Variants in ANKS1B observed in about 807,000 individuals in gnomAD.
ANKS1B encodes ankyrin repeat and sterile alpha motif domain containing 1B.
In ANKS1B, 36 loss-of-function variants were observed where a neutral mutation model predicts 148.3. The ratio of observed to expected loss-of-function variants is 0.24; its 90% CI spans 0.19 to 0.32. ANKS1B has a LOEUF of 0.32. ANKS1B is among the 10% of genes least tolerant of loss of function. ANKS1B has a pLI of 1.00. For synonymous variants in ANKS1B, 542 were observed against 560.8 expected, an observed-to-expected ratio of 0.97 and a Z score of 0.47; for missense variants, 1,157 against 1,542.6, an observed-to-expected ratio of 0.75 and a Z score of 4.19.
At chr12:99,831,048 A>G (rs2083911831) in intron 1 of ANKS1B, among the ~76,000 whole-genome samples, 1 of 152,100 alleles carries the variant, frequency 6.6e-6, no homozygotes. Context: ...CTGGCATTAT[A>G]TTATTTATTT....
chr12:99,332,097 T>A (rs2087674895), intron 12 of ANKS1B, among the ~76,000 whole-genome samples: 1 of 151,956 alleles, frequency 6.6e-6, no homozygotes, highest in Non-Finnish European at 1.5e-5. Flanking sequence ...TCATGAGAAA[T>A]CCTTTCCCTC....
At chr12:99,117,389 T>C (rs1465638958) in intron 15 of ANKS1B, among the ~76,000 whole-genome samples, 3 of 152,174 alleles carry the variant, frequency 2.0e-5, no homozygotes, top group Non-Finnish European at 4.4e-5. Context: ...ACCTAGCTTA[T>C]TGAGTTTTTA....
intron 9 of ANKS1B, among the ~76,000 whole-genome samples, chr12:99,573,245 T>G (rs765637363): frequency 6.6e-5 from 10 of 152,114 alleles, no homozygotes; most frequent in Non-Finnish European, 1.3e-4. Context: ...TTGATTGAGT[T>G]GCTGCTGTTT....
intron 12 of ANKS1B, among the ~76,000 whole-genome samples, chr12:99,273,670 CA>C (rs200141570): frequency 0.017 from 2,636 of 150,978 alleles, 79 homozygotes; most frequent in African/African-American, 0.061. Context: ...TCCACCCCTC[CA>C]GGTTTAAGCA....
At chr12:99,704,476 A>C (rs1371744955) in intron 8 of ANKS1B, among the ~76,000 whole-genome samples, 7 of 152,142 alleles carry the variant, frequency 4.6e-5, no homozygotes, top group Non-Finnish European at 1.0e-4. Flanking sequence ...ATATATACAC[A>C]TATTAGACTA....
At chr12:99,511,726 T>A (rs962800056) in intron 9 of ANKS1B, among the ~76,000 whole-genome samples, 3 of 151,794 alleles carry the variant, frequency 2.0e-5, no homozygotes, top group African/African-American at 7.3e-5. Flanking sequence ...CATAGACCAA[T>A]GGAACAGAAT....
At chr12:99,177,871 A>T (rs1490258913) in intron 14 of ANKS1B, among the ~76,000 whole-genome samples, 2 of 152,194 alleles carry the variant, frequency 1.3e-5, no homozygotes, top group Non-Finnish European at 2.9e-5. Flanking sequence ...TACAAGTCTA[A>T]TGCTGTGTCT....
Position 99,063,265 on chromosome 12 carries a change from C to T in ANKS1B, c.2626-9956G>A, listed in dbSNP as rs564275950. On this transcript the variant is annotated intron_variant, in intron 16 of 26. Transcript: ENST00000683438. ...AGATAGCTGATATCGTCAGGTACTT[C>T]CCTCTATTCTGGCTCCTTGTTCTAG... Among the ~76,000 whole-genome samples, 4 of 152,278 alleles carry T rather than the reference C, an allele frequency of 2.6e-5. No homozygotes were observed. The South Asian group carries it at 8.3e-4, about 32-fold the overall frequency.
intron 12 of ANKS1B, among the ~76,000 whole-genome samples, chr12:99,301,057 G>A (rs1026174959): frequency 1.3e-5 from 2 of 152,160 alleles, no homozygotes; most frequent in Admixed American, 6.6e-5. Context: ...AGCCAATGGT[G>A]TAAGTCCGAG....
rs116384197 is a variant in ANKS1B at position 99,373,445 on chromosome 12, G to A, written c.1756+26186C>T. On this transcript the variant is annotated intron_variant, in intron 12 of 26. Transcript: ENST00000683438. ...AGAAACTATCCCTTCCCTATTAGAC[G>A]GGTAAGAGTCTCAGTTGCAATGGCC... is the stretch of plus-strand genomic sequence containing the variant. Among the ~76,000 whole-genome samples, 891 of 152,152 alleles carry A rather than the reference G, an allele frequency of 5.9e-3. 14 individuals are homozygous for A. Among genetic ancestry groups the A allele is most frequent in the African/African-American group, 0.02 (851 of 41,516 alleles).
chr12:99,670,565 G>A (rs564008531), intron 8 of ANKS1B, among the ~76,000 whole-genome samples: 2 of 152,110 alleles, frequency 1.3e-5, no homozygotes, highest in Admixed American at 6.6e-5. Context: ...TAGGATGAGG[G>A]AAGAAAAATA....
chr12:99,482,647 G>A (rs1363800303), intron 10 of ANKS1B, among the ~76,000 whole-genome samples: 1 of 150,664 alleles, frequency 6.6e-6, no homozygotes, highest in East Asian at 1.9e-4. Flanking sequence ...ATGAGCATGG[G>A]GTGAGTTTTC....
intron 1 of ANKS1B, among the ~76,000 whole-genome samples, chr12:99,914,619 G>T (rs1353470263): frequency 6.6e-6 from 1 of 152,084 alleles, no homozygotes; most frequent in African/African-American, 2.4e-5. Flanking sequence ...TTTGATGAAG[G>T]AGCTTAGCTA....
At chr12:99,221,436 T>C (rs1164380621) in intron 14 of ANKS1B, among the ~76,000 whole-genome samples, 1 of 152,220 alleles carries the variant, frequency 6.6e-6, no homozygotes, top group Non-Finnish European at 1.5e-5. Flanking sequence ...TTACAACTTG[T>C]ATCCATTCAT....
chr12:99,742,402 A>G (rs2060204399), intron 8 of ANKS1B, among the ~76,000 whole-genome samples: 1 of 152,198 alleles, frequency 6.6e-6, no homozygotes, highest in African/African-American at 2.4e-5. Context: ...AATTTTTTAA[A>G]AAATCTAGAT....
chr12:99,743,238 G>C (rs1378237568), intron 8 of ANKS1B, among the ~76,000 whole-genome samples: 3 of 152,104 alleles, frequency 2.0e-5, no homozygotes, highest in Non-Finnish European at 2.9e-5. Context: ...TTTGTCTCAA[G>C]CACGACAAAA....
chr12:99,828,018 T>C (rs1171275167), intron 1 of ANKS1B, among the ~76,000 whole-genome samples: 2 of 152,132 alleles, frequency 1.3e-5, no homozygotes, highest in African/African-American at 2.4e-5. Flanking sequence ...CTATAGGTAA[T>C]AGCCTAAAAC....
chr12:99,340,687 A>C (rs1374160172), intron 12 of ANKS1B, among the ~76,000 whole-genome samples: 1 of 152,058 alleles, frequency 6.6e-6, no homozygotes, highest in Non-Finnish European at 1.5e-5. Flanking sequence ...TGACCCAAAC[A>C]TTGCTATGTG....
intron 9 of ANKS1B, among the ~76,000 whole-genome samples, chr12:99,605,604 C>T (rs1298231833): frequency 1.3e-5 from 2 of 152,044 alleles, no homozygotes; most frequent in East Asian, 3.8e-4. Flanking sequence ...CTGTGTCTGG[C>T]TTATTTCACA....
Sources: allele counts gnomAD v4.1 joint callset (sites outside exome capture counted in the v4.1 genomes callset), GRCh38; gene constraint gnomAD v4.1.1; transcripts MANE v1.5; gene names NCBI Gene and HGNC (gene_info 2026-07-23, HGNC 2026-07-21).